Variants in CACNA2D3 observed in about 807,000 individuals in gnomAD.
The protein encoded by CACNA2D3 is voltage-dependent calcium channel subunit alpha-2/delta-3.
Under a neutral mutation model 160.6 loss-of-function variants are expected in CACNA2D3, and 60 were observed. The ratio of observed to expected loss-of-function variants is 0.37; its 90% CI spans 0.30 to 0.46. The LOEUF is 0.46. Among genes scored for constraint, CACNA2D3 ranks in the 20% least tolerant of loss-of-function variants. The pLI, the probability that CACNA2D3 is intolerant of heterozygous loss-of-function variation, is 1.00. For synonymous variants in CACNA2D3, 558 were observed against 492.9 expected, an observed-to-expected ratio of 1.13 and a Z score of -1.75; for missense variants, 1,205 against 1,365.0, an observed-to-expected ratio of 0.88 and a Z score of 1.85.
intron 4 of CACNA2D3, among the ~76,000 whole-genome samples, chr3:54,490,034 C>A (rs2106918065): frequency 6.6e-6 from 1 of 152,308 alleles, no homozygotes; most frequent in Non-Finnish European, 1.5e-5. Context: ...GACACACATG[C>A]ACCGGGAGCT....
intron 5 of CACNA2D3, among the ~76,000 whole-genome samples, chr3:54,525,122 GGT>G (rs1464670561): frequency 6.6e-6 from 1 of 151,968 alleles, no homozygotes; most frequent in Non-Finnish European, 1.5e-5. Context: ...TAGTTCATAA[GGT>G]ATATATTTAT....
At chr3:54,608,468 G>T (rs1698682117) in intron 9 of CACNA2D3, among the ~76,000 whole-genome samples, 1 of 152,146 alleles carries the variant, frequency 6.6e-6, no homozygotes, top group African/African-American at 2.4e-5. Context: ...CCCATTTTAT[G>T]GAGGAAGAGA....
intron 2 of CACNA2D3, among the ~76,000 whole-genome samples, chr3:54,177,040 A>G (rs1376557086): frequency 6.6e-6 from 1 of 152,162 alleles, no homozygotes; most frequent in African/African-American, 2.4e-5. Flanking sequence ...AGCTGTATCA[A>G]ATGTGTGTGA....
intron 2 of CACNA2D3, among the ~76,000 whole-genome samples, chr3:54,204,811 AAAAAAAAAAG>A: frequency 6.6e-6 from 1 of 150,800 alleles, no homozygotes; most frequent in Non-Finnish European, 1.5e-5. Flanking sequence ...AAAAAAAAAA[AAAAAAAAAAG>A]AAAAAGCAAA....
At chr3:54,793,124 G>A (rs896617738) in intron 13 of CACNA2D3, among the ~76,000 whole-genome samples, 1 of 152,232 alleles carries the variant, frequency 6.6e-6, no homozygotes, top group Non-Finnish European at 1.5e-5. Context: ...GGACTGGGGA[G>A]TGAGGGAGAG....
chr3:54,874,387 G>T (rs1166513970), intron 18 of CACNA2D3, among the ~76,000 whole-genome samples: 1 of 150,614 alleles, frequency 6.6e-6, no homozygotes, highest in Non-Finnish European at 1.5e-5. Flanking sequence ...GATCCCCTCT[G>T]GGAAGGGAAA....
intron 12 of CACNA2D3, among the ~76,000 whole-genome samples, chr3:54,757,774 T>C (rs1702000449): frequency 6.6e-6 from 1 of 152,192 alleles, no homozygotes; most frequent in Admixed American, 6.5e-5. Flanking sequence ...ACTGTTATCA[T>C]TATTTTTGTT....
Position 55,066,012 on chromosome 3 carries a change from C to T in CACNA2D3, c.2988-7433C>T, listed in dbSNP as rs71308074. On this transcript the variant is annotated intron_variant, in intron 35 of 37. Coordinates refer to ENST00000474759, the MANE Select transcript of CACNA2D3 (RefSeq NM_018398.3). ...CTCATAAGATGGCTATCCAGTTATG[C>T]TAGAACACATACAAAATAATTAAGC... Among the ~76,000 whole-genome samples the T allele has an allele frequency of 9.6e-3, 1,469 of 152,298 alleles. 12 individuals carry two copies. The highest frequency in any genetic ancestry group is 0.015 in the Non-Finnish European group (1,016 of 68,002).
Position 55,074,297 on chromosome 3 carries a change from C to A in CACNA2D3, c.*91C>A. On this transcript the variant is annotated 3_prime_UTR_variant, in exon 38 of 38. Coordinates refer to ENST00000474759, the MANE Select transcript of CACNA2D3 (RefSeq NM_018398.3). ...GTGAACCAAAATATGGTGCAACATA[C>A]GAGACATGAATATAGTCCAACCATC... 2.0e-6 allele frequency: 2 copies of A among 995,714 alleles called. No individual in the cohort carries two copies. Among genetic ancestry groups the A allele is most frequent in the Non-Finnish European group, 1.6e-6 (1 of 620,500 alleles). 61.7% of individuals were successfully genotyped at this position (995,714 alleles called of 1,614,324 possible).
chr3:54,303,818 G>GTTTTTTGTTTTTTT lies in CACNA2D3; in HGVS notation c.205-16618_205-16617insGTTTTTTTTTTTTT, dbSNP rs59534343. On this transcript the variant is annotated intron_variant, in intron 2 of 37. Coordinates refer to ENST00000474759, the MANE Select transcript of CACNA2D3 (RefSeq NM_018398.3). Reference sequence around the variant, plus strand: ...CAGCCTCATCAGTGACTTTTTTTCTGTTTTTTTTTTTTTTTTTTTTCTATT... The same window carrying GTTTTTTGTTTTTTT: ...CAGCCTCATCAGTGACTTTTTTTCTGTTTTTTGTTTTTTTTTTTTTTTTTTTTTTTTTTTCTATT... Among the ~76,000 whole-genome samples, 33 of 115,012 alleles carry GTTTTTTGTTTTTTT rather than the reference G, an allele frequency of 2.9e-4. 1 individual carries two copies. Among genetic ancestry groups the GTTTTTTGTTTTTTT allele is most frequent in the African/African-American group, 5.4e-4 (16 of 29,552 alleles). 75.5% of individuals were successfully genotyped at this position (115,012 alleles called of 152,430 possible). A position where few individuals can be genotyped will look rare whatever the true frequency, so the allele number is the denominator to read the frequency against.
chr3:54,309,214 T>C (rs1703675115), intron 2 of CACNA2D3, among the ~76,000 whole-genome samples: 1 of 152,240 alleles, frequency 6.6e-6, no homozygotes, highest in Middle Eastern at 3.2e-3. Flanking sequence ...ACAGATTAAT[T>C]CCCCAGGTTT....
rs1422458508 is a variant in CACNA2D3 at position 55,074,397 on chromosome 3, C to T, written c.*191C>T. On this transcript the variant is annotated 3_prime_UTR_variant, in exon 38 of 38. Coordinates refer to ENST00000474759, the MANE Select transcript of CACNA2D3 (RefSeq NM_018398.3). ...ATGTTGACAAAAAGTTATCTATCAT[C>T]TTTTTACTTTGCCAGTCATGCAAAT... is the stretch of plus-strand genomic sequence containing the variant. 1.4e-5 allele frequency: 8 copies of T among 566,250 alleles called. No individual in the cohort carries two copies. The highest frequency in any genetic ancestry group is 2.2e-5 in the Non-Finnish European group (7 of 316,196). 35.1% of individuals were successfully genotyped at this position (566,250 alleles called of 1,614,324 possible).
chr3:54,655,672 A>G (rs1699864477), intron 11 of CACNA2D3, among the ~76,000 whole-genome samples: 1 of 152,234 alleles, frequency 6.6e-6, no homozygotes, highest in Non-Finnish European at 1.5e-5. Context: ...AACTCCTGGT[A>G]TCTATCAAAA....
intron 4 of CACNA2D3, among the ~76,000 whole-genome samples, chr3:54,418,685 T>C (rs1449332): frequency 0.34 from 51,757 of 151,996 alleles, 9,151 homozygotes; most frequent in East Asian, 0.43. Context: ...TGAGACTGGG[T>C]ATATTTCTTA....
At chr3:54,500,504 T>TCTTCCTTC (rs56816802) in intron 4 of CACNA2D3, among the ~76,000 whole-genome samples, 9,429 of 101,754 alleles carry the variant, frequency 0.093, 945 homozygotes, top group African/African-American at 0.13. Context: ...TTCCTTCCTA[T>TCTTCCTTC]CTTCCTTCCT....
chr3:54,331,650 G>T (rs746939608), intron 3 of CACNA2D3, among the ~76,000 whole-genome samples: 1 of 152,070 alleles, frequency 6.6e-6, no homozygotes, highest in African/African-American at 2.4e-5. Context: ...GGCTGGGTGC[G>T]GGGGAAAGAC....
chr3:54,185,899 A>G (rs993014572), intron 2 of CACNA2D3, among the ~76,000 whole-genome samples: 3 of 152,124 alleles, frequency 2.0e-5, no homozygotes, highest in Admixed American at 6.5e-5. Flanking sequence ...CTTTGATTCA[A>G]TAACCCCTAC....
chr3:54,213,079 A>C (rs1264761943), intron 2 of CACNA2D3, among the ~76,000 whole-genome samples: 1 of 152,112 alleles, frequency 6.6e-6, no homozygotes, highest in Non-Finnish European at 1.5e-5. Context: ...TCAATTGTTT[A>C]TTGTGACCAA....
intron 2 of CACNA2D3, among the ~76,000 whole-genome samples, chr3:54,291,419 T>C (rs1389870124): frequency 6.6e-6 from 1 of 152,214 alleles, no homozygotes; most frequent in Non-Finnish European, 1.5e-5. Context: ...AAATGCATCA[T>C]CTTTTTACCT....
Sources: gnomAD v4.1 joint callset for allele counts (sites outside exome capture counted in the v4.1 genomes callset) on GRCh38, gnomAD v4.1.1 for gene constraint, MANE v1.5 for transcripts, NCBI Gene and HGNC (gene_info 2026-07-23, HGNC 2026-07-21) for gene names.